Variants in NUP62CL observed in about 807,000 individuals in gnomAD.
NUP62CL encodes nucleoporin-62 C-terminal-like protein.
NUP62CL carries 13 observed loss-of-function variants against 15.3 expected under a neutral mutation model. The ratio of observed to expected loss-of-function variants is 0.85; its 90% CI spans 0.55 to 1.35. The LOEUF (loss-of-function observed/expected upper bound fraction) is 1.35. Ranked by LOEUF, NUP62CL falls within the 40% of genes most tolerant of loss-of-function variation. NUP62CL has a pLI of 0.00. For synonymous variants in NUP62CL, 54 were observed against 49.2 expected (o/e 1.10, Z -0.41); for missense variants, 123 against 130.6 (o/e 0.94, Z 0.28).
At chrX:107,137,197 A>AAAAC (rs1302158589) in intron 8 of NUP62CL, among the ~76,000 whole-genome samples, 1 of 112,171 alleles carries the variant, frequency 8.9e-6, no homozygotes, top group Non-Finnish European at 1.9e-5. Context: ...TGTTCATGGT[A>AAAAC]AAACAAACAA....
At chrX:107,163,212 C>G (rs748595872) in intron 4 of NUP62CL, among the ~76,000 whole-genome samples, 106 of 111,799 alleles carry the variant, frequency 9.5e-4, no homozygotes, top group Non-Finnish European at 1.6e-3. Context: ...CTGAGACAAC[C>G]ATACTTAAAA....
At chrX:107,136,462 A>G (rs1217007990) in intron 8 of NUP62CL, among the ~76,000 whole-genome samples, 1 of 112,111 alleles carries the variant, frequency 8.9e-6, no homozygotes, top group African/African-American at 3.2e-5. Flanking sequence ...CCAGGCCCAG[A>G]TAACTTTACT....
intron 2 of NUP62CL, among the ~76,000 whole-genome samples, chrX:107,190,334 T>C (rs148277412): frequency 8.9e-6 from 1 of 112,093 alleles, no homozygotes; most frequent in East Asian, 2.8e-4. Flanking sequence ...ATTTCAGAAG[T>C]TTTAAGAGAG....
At chrX:107,130,058 G>T (rs1173005888) in intron 8 of NUP62CL, among the ~76,000 whole-genome samples, 4 of 111,257 alleles carry the variant, frequency 3.6e-5, no homozygotes, top group Non-Finnish European at 7.5e-5. Context: ...AAATAGGAGA[G>T]AAATTAAATT....
chrX:107,162,695 C>G (rs1192105892), intron 4 of NUP62CL, among the ~76,000 whole-genome samples: 1 of 111,747 alleles, frequency 8.9e-6, no homozygotes, highest in East Asian at 2.8e-4. Flanking sequence ...GTAAACCTAC[C>G]CTTGAAGATT....
At chrX:107,205,745 A>G (rs1465156127) in intron 1 of NUP62CL, among the ~76,000 whole-genome samples, 1 of 111,184 alleles carries the variant, frequency 9.0e-6, no homozygotes, top group Admixed American at 9.6e-5. Flanking sequence ...AAACTAGGGT[A>G]ACAACTCTAT....
intron 4 of NUP62CL, among the ~76,000 whole-genome samples, chrX:107,165,319 T>C (rs2147805496): frequency 9.2e-6 from 1 of 108,705 alleles, no homozygotes; most frequent in South Asian, 3.9e-4. Context: ...AAAAAAATAA[T>C]AATAATAAAT....
At chrX:107,201,078 T>A (rs1391426235) in intron 1 of NUP62CL, among the ~76,000 whole-genome samples, 1 of 111,927 alleles carries the variant, frequency 8.9e-6, no homozygotes, top group Non-Finnish European at 1.9e-5. Flanking sequence ...TATTTTTTAA[T>A]AGGAATGTTC....
At chrX:107,196,206 A>G (rs773594768) in intron 1 of NUP62CL, among the ~76,000 whole-genome samples, 1 of 112,226 alleles carries the variant, frequency 8.9e-6, no homozygotes, top group Non-Finnish European at 1.9e-5. Context: ...CAAAAAAATC[A>G]CTTTTTGGAC....
chrX:107,189,945 G>GAAAGAA (rs780904593), intron 2 of NUP62CL, among the ~76,000 whole-genome samples: 1 of 88,758 alleles, frequency 1.1e-5, no homozygotes, highest in Non-Finnish European at 2.2e-5. Flanking sequence ...AAGAAAGAAA[G>GAAAGAA]AGAATCGATA....
In NUP62CL at chrX:107,153,375, A is replaced by G. The variant is rs1013828125; in HGVS notation, c.396-69T>C. ...GAGTGACAAAAAGAAAAGAGTTAAC[A>G]AACTACAGAAGGAAAAAAAAAACAC... On this transcript the variant is annotated intron_variant, in intron 6 of 8. Transcript: ENST00000372466. 5.4e-6 allele frequency: 6 copies of G among 1,108,608 alleles called. No homozygotes were observed. The African/African-American group carries it at 7.5e-5, about 14-fold the overall frequency. 91.4% of individuals were successfully genotyped at this position (1,108,608 alleles called of 1,213,427 possible).
intron 8 of NUP62CL, among the ~76,000 whole-genome samples, chrX:107,133,663 G>A (rs994357701): frequency 8.0e-5 from 9 of 112,750 alleles, no homozygotes; most frequent in South Asian, 3.7e-4. Flanking sequence ...AATTCTGGCC[G>A]GGCGCAGTGG....
At chrX:107,152,103 TATATATATATTCAG>T (rs1349183399) in intron 7 of NUP62CL, among the ~76,000 whole-genome samples, 3 of 67,861 alleles carry the variant, frequency 4.4e-5, no homozygotes, top group African/African-American at 1.3e-4. Flanking sequence ...TATTCAGATA[TATATATATATTCAG>T]ATATATATAT....
chrX:107,193,399 G>T (rs747304444), intron 1 of NUP62CL, among the ~76,000 whole-genome samples: 1 of 111,588 alleles, frequency 9.0e-6, no homozygotes, highest in South Asian at 3.7e-4. Context: ...TACGATTTAA[G>T]GCTACCTGGT....
chrX:107,193,374 A>G (rs909191754), intron 1 of NUP62CL, among the ~76,000 whole-genome samples: 8 of 111,948 alleles, frequency 7.1e-5, no homozygotes, highest in African/African-American at 1.6e-4. Context: ...TGGAAATACA[A>G]TGCTGAATTT....
chrX:107,185,621 C>A (rs1438091221), intron 2 of NUP62CL, among the ~76,000 whole-genome samples: 1 of 110,699 alleles, frequency 9.0e-6, no homozygotes, highest in Non-Finnish European at 1.9e-5. Context: ...ATAGACAAAT[C>A]AAAATGGAAT....
chrX:107,193,142 T>C (rs757355138), intron 1 of NUP62CL, 70 bp from the exon 2 acceptor site: 17 of 112,078 alleles, frequency 1.5e-4, no homozygotes, highest in African/African-American at 5.2e-4. Flanking sequence ...GAAAAGATGG[T>C]GGACAGAAGC....
chrX:107,127,318 C>T (rs960737721), intron 8 of NUP62CL, among the ~76,000 whole-genome samples: 3 of 111,535 alleles, frequency 2.7e-5, no homozygotes, highest in Non-Finnish European at 5.6e-5. Flanking sequence ...GGAATAACTG[C>T]AAATGGCCAA....
In NUP62CL at chrX:107,137,374, A is replaced by G. The variant is rs1880636041; in HGVS notation, c.*42+10369T>C. On this transcript the variant is annotated intron_variant, in intron 8 of 8. Transcript: ENST00000372466. ...TTATCACTACTACTCAACATAGTAT[A>G]CTGGAAGTTCTAGCCAGTGCAAAAA... Among the ~76,000 whole-genome samples the G allele has an allele frequency of 3.6e-5, 4 of 112,025 alleles. No individual in the cohort carries two copies. The South Asian group carries it at 1.5e-3, about 42-fold the overall frequency.
Sources: gnomAD v4.1 joint callset for allele counts (sites outside exome capture counted in the v4.1 genomes callset) on GRCh38, gnomAD v4.1.1 for gene constraint, MANE v1.5 for transcripts, NCBI Gene and HGNC (gene_info 2026-07-23, HGNC 2026-07-21) for gene names.